Variants in GFRA1 observed in about 807,000 individuals in gnomAD.
GFRA1 encodes GDNF family receptor alpha 1.
In GFRA1, 16 loss-of-function variants were observed where a neutral mutation model predicts 51.6. The ratio of observed to expected loss-of-function variants is 0.31; its 90% CI spans 0.21 to 0.47. GFRA1 has a LOEUF of 0.47. Among genes scored for constraint, GFRA1 ranks in the 20% least tolerant of loss-of-function variants. The pLI, the probability that GFRA1 is intolerant of heterozygous loss-of-function variation, is 1.00. For synonymous variants in GFRA1, 270 were observed against 241.3 expected (o/e 1.12, Z -1.10); for missense variants, 530 against 594.3 (o/e 0.89, Z 1.13).
At chr10:116,139,930 A>G (rs1004447623) in intron 5 of GFRA1, among the ~76,000 whole-genome samples, 1 of 152,206 alleles carries the variant, frequency 6.6e-6, no homozygotes, top group Non-Finnish European at 1.5e-5. Context: ...CATTCTCACC[A>G]TGATATTGCC....
chr10:116,098,280 G>T (rs1487178717), intron 6 of GFRA1, among the ~76,000 whole-genome samples: 1 of 152,248 alleles, frequency 6.6e-6, no homozygotes, highest in Non-Finnish European at 1.5e-5. Context: ...TGTGGCTGGG[G>T]TGTGCGCGTG....
intron 5 of GFRA1, among the ~76,000 whole-genome samples, chr10:116,148,655 C>T (rs1350391128): frequency 6.6e-6 from 1 of 152,122 alleles, no homozygotes; most frequent in East Asian, 1.9e-4. Context: ...AAGATTGTTC[C>T]AGAATGAGCT....
At chr10:116,154,375 A>T (rs1959166468) in intron 5 of GFRA1, among the ~76,000 whole-genome samples, 1 of 152,260 alleles carries the variant, frequency 6.6e-6, no homozygotes, top group Non-Finnish European at 1.5e-5. Context: ...AAAAACATAC[A>T]GCAATTAAAA....
chr10:116,108,970 A>C (rs945914966), intron 6 of GFRA1, among the ~76,000 whole-genome samples: 3 of 152,346 alleles, frequency 2.0e-5, no homozygotes, highest in Admixed American at 6.5e-5. Flanking sequence ...CATCACGGAC[A>C]CTTGGTGCTG....
chr10:116,168,136 A>C (rs929024468), intron 5 of GFRA1, among the ~76,000 whole-genome samples: 3 of 115,244 alleles, frequency 2.6e-5, no homozygotes, highest in Non-Finnish European at 5.3e-5. Flanking sequence ...ACCTTCAAAA[A>C]CCAGGGAATT....
intron 7 of GFRA1, among the ~76,000 whole-genome samples, chr10:116,094,377 G>A (rs569868642): frequency 1.2e-4 from 19 of 152,236 alleles, no homozygotes; most frequent in Non-Finnish European, 2.1e-4. Context: ...AGTCTTCCAC[G>A]TAGTGAAAGA....
intron 9 of GFRA1, among the ~76,000 whole-genome samples, chr10:116,078,059 T>TA (rs1171188761): frequency 6.6e-6 from 1 of 152,202 alleles, no homozygotes; most frequent in Admixed American, 6.5e-5. Flanking sequence ...GTGCCACACA[T>TA]ATGTACCTAT....
At chr10:116,251,640 TAA>T (rs977870703) in intron 4 of GFRA1, among the ~76,000 whole-genome samples, 2 of 152,188 alleles carry the variant, frequency 1.3e-5, no homozygotes, top group African/African-American at 4.8e-5. Context: ...TCCAGGAGTT[TAA>T]ACACTTCAGC....
chr10:116,080,897 T>A (rs1955821878), intron 9 of GFRA1, among the ~76,000 whole-genome samples: 1 of 152,068 alleles, frequency 6.6e-6, no homozygotes, highest in African/African-American at 2.4e-5. Flanking sequence ...CTAACAAAAC[T>A]TTGGAGACTG....
intron 4 of GFRA1, among the ~76,000 whole-genome samples, chr10:116,268,101 T>C (rs1969818372): frequency 6.6e-6 from 1 of 152,112 alleles, no homozygotes; most frequent in South Asian, 2.1e-4. Flanking sequence ...TCAAATGAGA[T>C]CCTGTATTTC....
At chr10:116,176,844 G>C (rs10749199) in intron 5 of GFRA1, among the ~76,000 whole-genome samples, 2 of 151,940 alleles carry the variant, frequency 1.3e-5, no homozygotes, top group East Asian at 3.9e-4. Context: ...TTAACTTCCA[G>C]GAACAAATAG....
In GFRA1 at chr10:116,226,685, A is replaced by G. The variant is rs151180861; in HGVS notation, c.419-15040T>C. On this transcript the variant is annotated intron_variant, in intron 4 of 10. Transcript: ENST00000355422. The stretch of plus-strand genomic sequence containing the variant: ...GTGCATTACATTTATTGTGCACTTT[A>G]TTTCTATTAGTACTACATTGTAATA... 1.3e-3 allele frequency: 319 copies of G among 246,698 alleles called. 1 individual carries two copies. The highest frequency in any genetic ancestry group is 2.2e-3 in the Non-Finnish European group (253 of 115,190). The allele number at this position is 246,698 out of a possible 1,614,324, so 15.3% of individuals were successfully genotyped here.
chr10:116,097,656 C>A (rs913638063), intron 6 of GFRA1, among the ~76,000 whole-genome samples: 2 of 152,166 alleles, frequency 1.3e-5, no homozygotes, highest in African/African-American at 4.8e-5. Flanking sequence ...GAGGTCATCT[C>A]GGCAGACAAC....
At chr10:116,201,842 A>G (rs1419565507) in intron 5 of GFRA1, among the ~76,000 whole-genome samples, 1 of 152,068 alleles carries the variant, frequency 6.6e-6, no homozygotes, top group Non-Finnish European at 1.5e-5. Context: ...CACCTACTCC[A>G]AAGAATGGTA....
At chr10:116,181,443 G>A (rs1465457242) in intron 5 of GFRA1, among the ~76,000 whole-genome samples, 1 of 152,146 alleles carries the variant, frequency 6.6e-6, no homozygotes, top group Non-Finnish European at 1.5e-5. Context: ...CAGGAGGAAG[G>A]CCCAGCTCTG....
chr10:116,200,911 A>G (rs780961978), intron 5 of GFRA1, among the ~76,000 whole-genome samples: 65 of 152,252 alleles, frequency 4.3e-4, no homozygotes, highest in Admixed American at 8.5e-4. Context: ...TGGAACGCTC[A>G]TTGACATGCC....
At chr10:116,164,322 T>TAAA (rs11409663) in intron 5 of GFRA1, among the ~76,000 whole-genome samples, 2 of 146,394 alleles carry the variant, frequency 1.4e-5, no homozygotes, top group African/African-American at 2.5e-5. Flanking sequence ...TGCATTTTCC[T>TAAA]AAAAAAAAAA....
intron 5 of GFRA1, among the ~76,000 whole-genome samples, chr10:116,168,034 A>C (rs1960658694): frequency 6.6e-6 from 1 of 152,172 alleles, no homozygotes; most frequent in Non-Finnish European, 1.5e-5. Flanking sequence ...AAATCTCAGA[A>C]TTCACTGCTA....
At chr10:116,190,045 A>T (rs1245968058) in intron 5 of GFRA1, among the ~76,000 whole-genome samples, 1 of 152,214 alleles carries the variant, frequency 6.6e-6, no homozygotes, top group Non-Finnish European at 1.5e-5. Context: ...ACCAAAGCAC[A>T]GCAACTGGGA....
Sources: allele counts gnomAD v4.1 joint callset (sites outside exome capture counted in the v4.1 genomes callset), GRCh38; gene constraint gnomAD v4.1.1; transcripts MANE v1.5; gene names NCBI Gene and HGNC (gene_info 2026-07-23, HGNC 2026-07-21).